PCDHGA6: variants seen among roughly 807,000 people sequenced by gnomAD.
The protein encoded by PCDHGA6 is protocadherin gamma subfamily A, 6, also known as protocadherin gamma-A6.
A neutral mutation model predicts 60.6 loss-of-function variants in PCDHGA6; 41 were observed. The ratio of observed to expected loss-of-function variants is 0.68; its 90% CI spans 0.53 to 0.88. The LOEUF is 0.88. Ranked by LOEUF, PCDHGA6 falls within the 40% of genes least tolerant of loss-of-function variation. The probability of loss-of-function intolerance (pLI) is 0.00; values close to 1 mark genes in which losing one functional copy is unlikely to be tolerated. For missense variants in PCDHGA6, 1,312 were observed against 1,203.0 expected (o/e 1.09, Z -1.34); for synonymous variants, 594 against 524.4 (o/e 1.13, Z -1.81).
At chr5:141,454,283 T>G (rs2098785864) in intron 1 of PCDHGA6, among the ~76,000 whole-genome samples, 1 of 152,134 alleles carries the variant, frequency 6.6e-6, no homozygotes, top group Non-Finnish European at 1.5e-5. Flanking sequence ...AACTTCACAT[T>G]AAAGGAACTC....
chr5:141,383,202 G>A, intron 1 of PCDHGA6: 1 of 1,614,060 alleles, frequency 6.2e-7, no homozygotes. Flanking sequence ...AGAGTGCGCG[G>A]TGTCTGGTAA....
intron 1 of PCDHGA6, chr5:141,403,999 T>C (rs1399272947): frequency 3.1e-6 from 5 of 1,613,898 alleles, no homozygotes; most frequent in Non-Finnish European, 4.2e-6. Context: ...AAGTGACCAT[T>C]ACATCTCTGT....
intron 1 of PCDHGA6, among the ~76,000 whole-genome samples, chr5:141,444,786 T>C (rs1252217349): frequency 6.6e-6 from 1 of 152,226 alleles, no homozygotes; most frequent in Non-Finnish European, 1.5e-5. Context: ...CATGTTTCAT[T>C]TGTCTATTCT....
At chr5:141,422,480 G>A in intron 1 of PCDHGA6, 2 of 1,613,906 alleles carry the variant, frequency 1.2e-6, no homozygotes, top group South Asian at 2.2e-5. Flanking sequence ...TTGGTCCAGA[G>A]CTACAATATA....
intron 1 of PCDHGA6, chr5:141,403,591 G>A (rs1377998886): frequency 2.5e-6 from 4 of 1,613,836 alleles, no homozygotes; most frequent in East Asian, 2.2e-5. Context: ...TGGTCCTCAC[G>A]GCCTCGGATG....
At position 141,421,580 on chromosome 5, in the gene PCDHGA6, A is replaced by G. The variant is rs375319424; in HGVS notation, c.2424+45073A>G. ...CTCGTGGAAGACACCTTGAAGATTT[A>G]CGGAGTGGAGGTGGAAATAATAGAT... On this transcript the variant is annotated intron_variant, in intron 1 of 3. Transcript: ENST00000517434. The G allele has an allele frequency of 1.1e-5, 17 of 1,613,782 alleles. No individual in the cohort carries two copies. In the East Asian group the frequency reaches 2.7e-4, roughly 25 times the overall value.
chr5:141,509,864 A>G (rs2099878667), intron 3 of PCDHGA6, among the ~76,000 whole-genome samples: 1 of 152,262 alleles, frequency 6.6e-6, no homozygotes, highest in East Asian at 1.9e-4. Context: ...GATAAGGTCC[A>G]AGCTGCTGGT....
Position 141,490,225 on chromosome 5 carries a change from G to A in PCDHGA6, c.2425-4582G>A, listed in dbSNP as rs2099697468. On this transcript the variant is annotated intron_variant, in intron 1 of 3. Coordinates refer to ENST00000517434, the MANE Select transcript of PCDHGA6 (RefSeq NM_018919.3). This position sits in a 1 kb window ranked among gnomAD's most constrained non-coding sequence, Gnocchi z 5.4. The stretch of plus-strand genomic sequence containing the variant: ...AAGAGCCCGTGACCAGGGACAGCCT[G>A]CCATGGAGGGCCACTGTGTGATTCA... The A allele has an allele frequency of 6.2e-7, 1 of 1,614,112 alleles. No homozygotes were observed. The highest frequency in any genetic ancestry group is 1.1e-5 in the South Asian group (1 of 91,090).
chr5:141,413,263 G>A, intron 1 of PCDHGA6: 1 of 1,613,940 alleles, frequency 6.2e-7, no homozygotes, highest in Admixed American at 1.7e-5. Flanking sequence ...TCCATGGGAG[G>A]CTGGAGCCCG....
intron 3 of PCDHGA6, among the ~76,000 whole-genome samples, chr5:141,505,868 G>T (rs2099848820): frequency 6.6e-6 from 1 of 152,170 alleles, no homozygotes; most frequent in Admixed American, 6.5e-5. Context: ...GGACCCCAAA[G>T]GGTTGTTGTA....
chr5:141,403,601 G>A, intron 1 of PCDHGA6: 1 of 1,613,814 alleles, frequency 6.2e-7, no homozygotes, highest in Non-Finnish European at 8.5e-7. Flanking sequence ...GGCCTCGGAT[G>A]GCGGCGAGCC....
chr5:141,470,479 C>T (rs2099231547), intron 1 of PCDHGA6, among the ~76,000 whole-genome samples: 1 of 152,078 alleles, frequency 6.6e-6, no homozygotes, highest in African/African-American at 2.4e-5. Flanking sequence ...ATTACTAACC[C>T]TCTGGGAATA....
At chr5:141,439,727 C>G (rs940325016) in intron 1 of PCDHGA6, 2 of 152,406 alleles carry the variant, frequency 1.3e-5, no homozygotes, top group Non-Finnish European at 2.9e-5. Context: ...AAATTATAAG[C>G]AGGAACGGAA....
rs1268452204 is a variant in PCDHGA6 at position 141,374,178 on chromosome 5, G to C, written c.95G>C (p.Arg32Pro). 2 of 1,613,614 alleles carry C rather than the reference G, an allele frequency of 1.2e-6. No homozygotes were observed. The highest frequency in any genetic ancestry group is 2.2e-5 in the East Asian group (1 of 44,882). The change falls in exon 1 of 4, where the codon CGC (arginine) becomes CCC (proline). Residue 32 changes from arginine to proline, a missense_variant. Coordinates refer to ENST00000517434, the MANE Select transcript of PCDHGA6 (RefSeq NM_018919.3). ...TLWGAAAAQI[R>P]YSIPEELEKG... is the part of the protein sequence containing the mutation. ...TGGGGGGCCGCGGCAGCGCAGATCCGCTACTCTATTCCCGAGGAGCTGGAG... is the reference window on the plus strand; with the variant it reads ...TGGGGGGCCGCGGCAGCGCAGATCCCCTACTCTATTCCCGAGGAGCTGGAG...
Position 141,376,156 on chromosome 5 carries a change from G to T in PCDHGA6, c.2073G>T (p.Leu691=). The T allele has an allele frequency of 6.2e-7, 1 of 1,614,074 alleles. No homozygotes were observed. The highest frequency in any genetic ancestry group is 8.5e-7 in the Non-Finnish European group (1 of 1,179,998). ...SAKPNDSDLT[L]YLVVAVAAVS... The stretch of plus-strand genomic sequence containing the variant: ...AACCCAACGATTCGGACCTCACTCT[G>T]TACCTGGTGGTGGCGGTGGCCGCGG... The change falls in exon 1 of 4, where the codon CTG becomes CTT. Residue 691 remains leucine (L), a synonymous_variant. Coordinates refer to ENST00000517434, the MANE Select transcript of PCDHGA6 (RefSeq NM_018919.3).
At chr5:141,403,143 T>A in intron 1 of PCDHGA6, 1 of 1,613,850 alleles carries the variant, frequency 6.2e-7, no homozygotes, top group Non-Finnish European at 8.5e-7. Flanking sequence ...GAGCGCCGAG[T>A]CCGCATCGTC....
chr5:141,427,405 C>T (rs1209638263), intron 1 of PCDHGA6: 1 of 462,180 alleles, frequency 2.2e-6, no homozygotes, highest in East Asian at 6.8e-5. Context: ...GATAAAGATT[C>T]GAGAGAAAAT....
intron 1 of PCDHGA6, among the ~76,000 whole-genome samples, chr5:141,401,792 T>C (rs1359997438): frequency 6.6e-6 from 1 of 152,212 alleles, no homozygotes; most frequent in Non-Finnish European, 1.5e-5. Context: ...CCTTAGTATG[T>C]GATTCAGTAA....
chr5:141,420,156 A>T lies in PCDHGA6; in HGVS notation c.2424+43649A>T, dbSNP rs1406451882. ...GGGGATCAAATGAATCCAGAATTTA[A>T]TTTTTTCACATCTGTTGATCATTGT... On this transcript the variant is annotated intron_variant, in intron 1 of 3. Coordinates refer to ENST00000517434, the MANE Select transcript of PCDHGA6 (RefSeq NM_018919.3). The T allele has an allele frequency of 1.4e-5, 22 of 1,613,872 alleles. No individual in the cohort carries two copies. Among genetic ancestry groups the T allele is most frequent in the Middle Eastern group, 3.3e-4 (2 of 6,084 alleles).
Sources: gnomAD v4.1 joint callset for allele counts (sites outside exome capture counted in the v4.1 genomes callset) on GRCh38, gnomAD v4.1.1 for gene constraint, Gnocchi (gnomAD v3.1) non-coding constraint, MANE v1.5 for transcripts, NCBI Gene and HGNC (gene_info 2026-07-23, HGNC 2026-07-21) for gene names.